Variants in LARS1 observed in about 807,000 individuals in gnomAD.
LARS1 encodes leucyl-tRNA synthetase 1.
Under a neutral mutation model 162.8 loss-of-function variants are expected in LARS1, and 100 were observed. That is an observed-to-expected ratio of 0.61 (90% CI 0.52 to 0.73). LARS1 has a LOEUF of 0.73. LARS1 is among the 30% of genes least tolerant of loss of function. The pLI, the probability that LARS1 is intolerant of heterozygous loss-of-function variation, is 0.00. For synonymous variants in LARS1, 457 were observed against 462.8 expected (o/e 0.99, Z 0.16); for missense variants, 1,258 against 1,408.9 (o/e 0.89, Z 1.71).
At chr5:146,176,632 A>G (rs6881275) in intron 2 of LARS1, among the ~76,000 whole-genome samples, 1 of 152,142 alleles carries the variant, frequency 6.6e-6, no homozygotes, top group Admixed American at 6.6e-5. Context: ...CTCAACATAT[A>G]TGAATCTGGG....
At chr5:146,126,704 T>G (rs1752065705) in intron 27 of LARS1, among the ~76,000 whole-genome samples, 159 bp from the exon 28 acceptor site, 1 of 152,058 alleles carries the variant, frequency 6.6e-6, no homozygotes, top group Non-Finnish European at 1.5e-5. Flanking sequence ...GAAAGCTCAA[T>G]GAACAATGCA....
At position 146,142,918 on chromosome 5, in the gene LARS1, G is replaced by A. The variant is rs1427524032; in HGVS notation, c.2044C>T (p.Leu682Phe). ...ACATGATTATAAAGGTAATATGAAAGATGATTTGGAACAAGATCCTTGCCA... is the reference window on the plus strand; with the variant it reads ...ACATGATTATAAAGGTAATATGAAAAATGATTTGGAACAAGATCCTTGCCA... ...VSGKDLVPNH[L>F]SYYLYNHVAM... The change falls in exon 20 of 32, where the codon CTT becomes TTT. Residue 682 changes from leucine to phenylalanine, a missense_variant. Physicochemically the swap from Leu to Phe is conservative, Grantham distance 22. Transcript: ENST00000394434. The A allele has an allele frequency of 6.2e-7, 1 of 1,613,846 alleles. No homozygotes were observed. The highest frequency in any genetic ancestry group is 8.5e-7 in the Non-Finnish European group (1 of 1,179,970).
In LARS1 at chr5:146,133,070, C is replaced by T. The variant is rs968820034; in HGVS notation, c.2224G>A (p.Ala742Thr). The T allele has an allele frequency of 6.2e-7, 1 of 1,611,516 alleles. No homozygotes were observed. Among genetic ancestry groups the T allele is most frequent in the Admixed American group, 1.7e-5 (1 of 59,378 alleles). ...ACAGTGTCACCAGCATCAGCCAGAG[C>T]CAAACGCATTCCTGGAAGAAGAAAA... The part of the protein sequence containing the change: ...DKFSADGMRL[A>T]LADAGDTVED... The change falls in exon 23 of 32, where the codon GCT (alanine) becomes ACT (threonine). Residue 742 changes from alanine (A) to threonine (T), a missense_variant. Transcript: ENST00000394434.
rs987020819 is a variant in LARS1, at chr5:146,131,336, T to C, written c.2397-227A>G. 4 of 336,920 alleles carry C rather than the reference T, an allele frequency of 1.2e-5. No homozygotes were observed. In the Admixed American group the frequency reaches 1.5e-4, roughly 12 times the overall value. 20.9% of individuals were successfully genotyped at this position (336,920 alleles called of 1,614,324 possible). ...AAATTACTGCAATCTCTCTATTGTCTATCCATCCTTAAGTACTGTCATCTG... is the reference window on the plus strand; with the variant it reads ...AAATTACTGCAATCTCTCTATTGTCCATCCATCCTTAAGTACTGTCATCTG... On this transcript the variant is annotated intron_variant, in intron 23 of 31. Coordinates refer to ENST00000394434, the MANE Select transcript of LARS1 (RefSeq NM_020117.11).
chr5:146,126,344 G>A (rs1752040452), intron 28 of LARS1, 91 bp downstream of exon 28: 5 of 667,884 alleles, frequency 7.5e-6, no homozygotes, highest in Non-Finnish European at 1.3e-5. Flanking sequence ...ATTTCTGGCA[G>A]GAGACTATGT....
chr5:146,161,161 T>C (rs1581067091), intron 6 of LARS1, among the ~76,000 whole-genome samples: 3 of 152,216 alleles, frequency 2.0e-5, no homozygotes, highest in Admixed American at 6.5e-5. Context: ...ACAATGTATA[T>C]ACCTTAATTT....
chr5:146,143,113 A>T (rs754281922), intron 19 of LARS1, 29 bp from the exon 20 acceptor site: 10 of 1,037,390 alleles, frequency 9.6e-6, no homozygotes, highest in Middle Eastern at 2.9e-4. Flanking sequence ...AAACTATTTT[A>T]TATATATATA....
At chr5:146,155,623 CCT>C (rs1303339919) in intron 10 of LARS1, among the ~76,000 whole-genome samples, 1 of 152,176 alleles carries the variant, frequency 6.6e-6, no homozygotes, top group East Asian at 1.9e-4. Flanking sequence ...CCCACCCACC[CCT>C]CTTTATTCAT....
intron 5 of LARS1, among the ~76,000 whole-genome samples, chr5:146,166,083 G>A (rs1753991369): frequency 6.6e-6 from 1 of 152,140 alleles, no homozygotes; most frequent in African/African-American, 2.4e-5. Flanking sequence ...AGAGTGCCTA[G>A]AAGCAGTGAT....
At chr5:146,171,646 C>G (rs952223142) in intron 4 of LARS1, among the ~76,000 whole-genome samples, 1 of 152,094 alleles carries the variant, frequency 6.6e-6, no homozygotes, top group Admixed American at 6.6e-5. Flanking sequence ...TCAGTTATTA[C>G]CTAACTGTAA....
intron 10 of LARS1, among the ~76,000 whole-genome samples, chr5:146,157,056 G>C (rs1753560114): frequency 6.6e-6 from 1 of 152,086 alleles, no homozygotes; most frequent in Non-Finnish European, 1.5e-5. Flanking sequence ...AAAGAAGCTA[G>C]ACACAAAACA....
chr5:146,138,995 C>T (rs1414506917), intron 21 of LARS1: 1 of 379,696 alleles, frequency 2.6e-6, no homozygotes, highest in East Asian at 7.7e-5. Context: ...ATGCTGTACC[C>T]CTCAAGGATT....
intron 21 of LARS1, chr5:146,138,419 A>C (rs1176945835): frequency 6.5e-6 from 1 of 153,630 alleles, no homozygotes; most frequent in Non-Finnish European, 1.5e-5. Flanking sequence ...GGATTTGTTA[A>C]AAAGGAAAAA....
chr5:146,180,174 G>A (rs1322680879), intron 1 of LARS1, among the ~76,000 whole-genome samples: 5 of 152,316 alleles, frequency 3.3e-5, no homozygotes, highest in African/African-American at 1.2e-4. Flanking sequence ...AAGGCTGGCT[G>A]CAGTGAGCTA....
chr5:146,170,923 C>T (rs1236767000), intron 4 of LARS1, among the ~76,000 whole-genome samples: 1 of 151,776 alleles, frequency 6.6e-6, no homozygotes, highest in African/African-American at 2.4e-5. Context: ...GAAAAGCACG[C>T]ATGCATGCAT....
chr5:146,134,623 T>G (rs1464119707), intron 22 of LARS1, among the ~76,000 whole-genome samples: 2 of 152,034 alleles, frequency 1.3e-5, no homozygotes, highest in African/African-American at 4.8e-5. Context: ...TCTGAAAAAA[T>G]CAATGTTCCC....
At chr5:146,143,129 A>ATATATAT in intron 19 of LARS1, 45 bp from the exon 20 acceptor site, 1 of 1,051,014 alleles carries the variant, frequency 9.5e-7, no homozygotes, top group East Asian at 2.9e-5. Context: ...ATATATATGT[A>ATATATAT]ATTTCTTTGG....
At position 146,128,900 on chromosome 5, in the gene LARS1, T is replaced by A. The variant is rs1461718274; in HGVS notation, c.2769+78A>T. The A allele has an allele frequency of 6.2e-6, 9 of 1,459,260 alleles. No homozygotes were observed. The East Asian group carries it at 2.1e-4, about 34-fold the overall frequency. The allele number at this position is 1,459,260 out of a possible 1,614,324, so 90.4% of individuals were successfully genotyped here. On this transcript the variant is annotated intron_variant, in intron 26 of 31. Transcript: ENST00000394434. ...CACCATTAATGAAAATCTTTTTAAC[T>A]TTCATTATTGTTAAATGTTATCTGA...
chr5:146,164,830 C>T (rs1753932068), intron 5 of LARS1, among the ~76,000 whole-genome samples: 1 of 152,200 alleles, frequency 6.6e-6, no homozygotes, highest in Non-Finnish European at 1.5e-5. Flanking sequence ...AAAGAGGCTA[C>T]TCATAAGACT....
Sources: allele counts gnomAD v4.1 joint callset (sites outside exome capture counted in the v4.1 genomes callset), GRCh38; gene constraint gnomAD v4.1.1; transcripts MANE v1.5; gene names NCBI Gene and HGNC (gene_info 2026-07-23, HGNC 2026-07-21).